Variants in CMSS1 observed in about 807,000 individuals in gnomAD.
CMSS1 encodes cms1 ribosomal small subunit homolog, also known as protein CMSS1.
Under a neutral mutation model 43.5 loss-of-function variants are expected in CMSS1, and 33 were observed. The observed-to-expected ratio is 0.76, with a 90% confidence interval of 0.57 to 1.01. The LOEUF is 1.01. Among genes scored for constraint, CMSS1 ranks in the 50% least tolerant of loss-of-function variants. The pLI, the probability that CMSS1 is intolerant of heterozygous loss-of-function variation, is 0.00. For synonymous variants in CMSS1, 115 were observed against 117.2 expected (o/e 0.98, Z 0.12); for missense variants, 313 against 326.4 (o/e 0.96, Z 0.32).
chr3:99,926,604 A>G (rs1707300657), intron 1 of CMSS1, among the ~76,000 whole-genome samples: 1 of 152,234 alleles, frequency 6.6e-6, no homozygotes, highest in South Asian at 2.1e-4. Flanking sequence ...ATTTGTCACA[A>G]GATTGACATT....
intron 1 of CMSS1, among the ~76,000 whole-genome samples, chr3:99,909,457 C>A (rs1012998400): frequency 5.9e-5 from 9 of 152,036 alleles, no homozygotes; most frequent in African/African-American, 2.2e-4. Flanking sequence ...GTTAGAGCCA[C>A]CCCTTGTACA....
At chr3:100,009,831 A>G (rs1279222811) in intron 1 of CMSS1, among the ~76,000 whole-genome samples, 7 of 152,190 alleles carry the variant, frequency 4.6e-5, no homozygotes. Context: ...TAGCCCTTAT[A>G]TGTATACGTG....
At chr3:100,079,259 C>T (rs532914866) in intron 1 of CMSS1, among the ~76,000 whole-genome samples, 17 of 152,272 alleles carry the variant, frequency 1.1e-4, no homozygotes, top group African/African-American at 3.9e-4. Flanking sequence ...GAGTTACTAT[C>T]GATGCTTTCT....
chr3:100,103,141 T>C (rs557741471), intron 1 of CMSS1, among the ~76,000 whole-genome samples: 80 of 152,318 alleles, frequency 5.3e-4, no homozygotes, highest in African/African-American at 1.9e-3. Flanking sequence ...ACCCTGTGAT[T>C]GTAGGCCAGG....
chr3:100,121,658 G>A (rs2066623225), intron 1 of CMSS1, among the ~76,000 whole-genome samples: 1 of 152,112 alleles, frequency 6.6e-6, no homozygotes, highest in South Asian at 2.1e-4. Context: ...CCGGTAATGG[G>A]ATTACTGGGT....
chr3:100,093,137 A>G (rs779224773), intron 1 of CMSS1, among the ~76,000 whole-genome samples: 7 of 152,170 alleles, frequency 4.6e-5, no homozygotes, highest in East Asian at 3.8e-4. Context: ...AACATACTCT[A>G]TGCACTGGTC....
At chr3:100,128,515 A>G (rs1223891220) in intron 1 of CMSS1, among the ~76,000 whole-genome samples, 3 of 152,238 alleles carry the variant, frequency 2.0e-5, no homozygotes, top group Non-Finnish European at 4.4e-5. Flanking sequence ...AGCTAAATGC[A>G]TATTTTAATT....
chr3:99,949,753 C>A (rs1708121377), intron 1 of CMSS1, among the ~76,000 whole-genome samples: 1 of 152,262 alleles, frequency 6.6e-6, no homozygotes, highest in Non-Finnish European at 1.5e-5. Flanking sequence ...CATTATGTAT[C>A]TAAAGTAGAA....
intron 1 of CMSS1, among the ~76,000 whole-genome samples, chr3:100,066,089 C>G (rs894168177): frequency 3.3e-5 from 5 of 152,174 alleles, no homozygotes; most frequent in Non-Finnish European, 7.4e-5. Flanking sequence ...GAGAGATGGT[C>G]TTTACTCTTT....
chr3:99,898,677 A>T, intron 1 of CMSS1: 1 of 170,368 alleles, frequency 5.9e-6, no homozygotes, highest in South Asian at 1.1e-4. Flanking sequence ...GAGGCAGGAG[A>T]ATCACTTGAA....
intron 1 of CMSS1, among the ~76,000 whole-genome samples, chr3:99,903,185 C>T (rs1432132077): frequency 6.6e-6 from 1 of 151,784 alleles, no homozygotes; most frequent in Non-Finnish European, 1.5e-5. Context: ...GAGAGAAGCA[C>T]TTAAAACAGT....
chr3:99,829,244 G>A lies in CMSS1; in HGVS notation c.64+11201G>A, dbSNP rs116249066. Among the ~76,000 whole-genome samples, 760 of 152,038 alleles carry A rather than the reference G, an allele frequency of 5.0e-3. 6 individuals carry two copies. Among genetic ancestry groups the A allele is most frequent in the African/African-American group, 0.017 (717 of 41,442 alleles). On this transcript the variant is annotated intron_variant, in intron 1 of 9. Coordinates refer to ENST00000421999, the MANE Select transcript of CMSS1 (RefSeq NM_032359.4). ...GTTCCATTGATTTTTTTCCCCCCTC[G>A]ATTGAAGCTTTTTGAAATGTTTTTT...
intron 1 of CMSS1, among the ~76,000 whole-genome samples, chr3:99,867,369 G>T (rs1258442625): frequency 6.6e-6 from 1 of 152,102 alleles, no homozygotes; most frequent in Non-Finnish European, 1.5e-5. Flanking sequence ...CTTACCTTGT[G>T]ATTTGAATTT....
chr3:99,924,112 C>A (rs1707211204), intron 1 of CMSS1: 2 of 842,926 alleles, frequency 2.4e-6, no homozygotes, highest in African/African-American at 1.7e-5. Flanking sequence ...TCACCCTGGA[C>A]TATGAGATCT....
intron 1 of CMSS1, among the ~76,000 whole-genome samples, chr3:99,983,464 GTATATATATATATATATATA>G (rs1191587665): frequency 1.6e-4 from 2 of 12,678 alleles, no homozygotes; most frequent in Non-Finnish European, 3.3e-4. Context: ...ATATATGTGT[GTATATATATATATATATATA>G]TATATATATA....
chr3:100,052,052 ATAT>A (rs2065383634), intron 1 of CMSS1, among the ~76,000 whole-genome samples: 1 of 151,982 alleles, frequency 6.6e-6, no homozygotes, highest in South Asian at 2.1e-4. Flanking sequence ...TAAATGATCT[ATAT>A]TATTATGTCA....
chr3:100,144,144 C>T (rs191881772), intron 1 of CMSS1, among the ~76,000 whole-genome samples: 74 of 152,062 alleles, frequency 4.9e-4, no homozygotes, highest in African/African-American at 1.7e-3. Context: ...CATCTCTGTG[C>T]GGGGGAGGAG....
chr3:100,041,806 C>A (rs919458933), intron 1 of CMSS1, among the ~76,000 whole-genome samples: 3 of 152,120 alleles, frequency 2.0e-5, no homozygotes, highest in African/African-American at 7.2e-5. Flanking sequence ...AAGGATAACT[C>A]ATGTTGTGCC....
chr3:99,960,533 TC>T (rs1708459884), intron 1 of CMSS1, among the ~76,000 whole-genome samples: 1 of 152,166 alleles, frequency 6.6e-6, no homozygotes, highest in Non-Finnish European at 1.5e-5. Context: ...AGTGAAATAA[TC>T]TCCCTCCTCA....
Sources: allele counts gnomAD v4.1 joint callset (sites outside exome capture counted in the v4.1 genomes callset), GRCh38; gene constraint gnomAD v4.1.1; transcripts MANE v1.5; gene names NCBI Gene and HGNC (gene_info 2026-07-23, HGNC 2026-07-21).